Variants in ITGB8 observed in about 807,000 individuals in gnomAD.
The protein encoded by ITGB8 is integrin subunit beta 8, also known as integrin beta-8.
ITGB8 carries 30 observed loss-of-function variants against 89.5 expected under a neutral mutation model. The ratio of observed to expected loss-of-function variants is 0.34; its 90% confidence interval spans 0.25 to 0.45. ITGB8 has a LOEUF of 0.45. Among genes scored for constraint, ITGB8 ranks in the 20% least tolerant of loss-of-function variants. The pLI, the probability that ITGB8 is intolerant of heterozygous loss-of-function variation, is 1.00. For missense variants in ITGB8, 836 were observed against 933.3 expected, an observed-to-expected ratio of 0.90 and a Z score of 1.36; for synonymous variants, 335 against 320.4, an observed-to-expected ratio of 1.05 and a Z score of -0.49.
chr7:20,373,909 A>G (rs1480817682), intron 3 of ITGB8, among the ~76,000 whole-genome samples: 2 of 152,200 alleles, frequency 1.3e-5, no homozygotes, highest in African/African-American at 4.8e-5. Flanking sequence ...TTCTTTGAGT[A>G]GTTTAAAAAC....
rs752386964 is a variant in ITGB8 at position 20,391,431 on chromosome 7, A to G, written c.989A>G (p.Glu330Gly). 1 of 1,602,840 alleles carries G rather than the reference A, an allele frequency of 6.2e-7. No homozygotes were observed. Among genetic ancestry groups the G allele is most frequent in the Non-Finnish European group, 8.5e-7 (1 of 1,173,288 alleles). The change falls in exon 7 of 14, where the codon GAG (glutamate) becomes GGG (glycine). Residue 330 changes from glutamate (E) to glycine (G), a missense_variant. Glu to Gly is a moderately conservative substitution (Grantham distance 98, BLOSUM62 -2). Around this residue, in one of 5 missense-constraint regions of ITGB8, gnomAD observed 192 missense variants for 267.1 expected, o/e 0.72. Coordinates refer to ENST00000222573, the MANE Select transcript of ITGB8 (RefSeq NM_002214.3). The part of the protein sequence containing the change: ...MEHPSLGQLS[E>G]KLIDNNINVI... Reference sequence around the variant, plus strand: ...CACCCCTCACTAGGCCAACTTTCAGAGAAATTAATAGACAACAACATTAAT... The same window carrying G: ...CACCCCTCACTAGGCCAACTTTCAGGGAAATTAATAGACAACAACATTAAT...
intron 7 of ITGB8, among the ~76,000 whole-genome samples, chr7:20,393,444 A>G (rs1786944965): frequency 6.6e-6 from 1 of 152,138 alleles, no homozygotes; most frequent in East Asian, 1.9e-4. Flanking sequence ...GGTTCTAACA[A>G]CCTCATGGCT....
chr7:20,407,246 T>TCAGGGGTTATAGGGTAC lies in ITGB8; in HGVS notation c.2023+1077_2023+1078insGGGGTTATAGGGTACCA, dbSNP rs150831757. ...CTCAGCCACACCATAGCAAGCATAC[T>TCAGGGGTTATAGGGTAC]CATCTCTGGGAGATTTAAAAAACTG... On this transcript the variant is annotated intron_variant, in intron 12 of 13. Coordinates refer to ENST00000222573, the MANE Select transcript of ITGB8 (RefSeq NM_002214.3). Among the ~76,000 whole-genome samples the TCAGGGGTTATAGGGTAC allele has an allele frequency of 5.1e-3, 781 of 151,898 alleles. 3 individuals are homozygous for TCAGGGGTTATAGGGTAC. The highest frequency in any genetic ancestry group is 0.018 in the African/African-American group (735 of 41,418).
At chr7:20,384,631 A>G (rs529696859) in intron 6 of ITGB8, among the ~76,000 whole-genome samples, 1 of 152,344 alleles carries the variant, frequency 6.6e-6, no homozygotes, top group African/African-American at 2.4e-5. Context: ...TAAATTGCAG[A>G]GTTGGCCCTA....
chr7:20,395,084 G>T, intron 8 of ITGB8, 99 bp downstream of exon 8: 1 of 683,528 alleles, frequency 1.5e-6, no homozygotes, highest in Non-Finnish European at 2.5e-6. Flanking sequence ...AGGAGGAGTA[G>T]AAAGCATATT....
intron 10 of ITGB8, among the ~76,000 whole-genome samples, chr7:20,404,153 G>C (rs1191443521): frequency 1.3e-5 from 2 of 152,190 alleles, no homozygotes; most frequent in Non-Finnish European, 2.9e-5. Flanking sequence ...CAGTACTGAA[G>C]CACTAGAAAA....
At chr7:20,382,070 A>C in intron 6 of ITGB8, 185 bp downstream of exon 6, 1 of 465,274 alleles carries the variant, frequency 2.1e-6, no homozygotes. Flanking sequence ...AAAATATATG[A>C]ATAAAACAGT....
chr7:20,372,193 T>A (rs1466104034), intron 3 of ITGB8, among the ~76,000 whole-genome samples: 1 of 152,232 alleles, frequency 6.6e-6, no homozygotes, highest in African/African-American at 2.4e-5. Context: ...AAATTATAAG[T>A]TGCATTTTTT....
chr7:20,410,058 A>T lies in ITGB8; in HGVS notation c.*61A>T. 8 of 1,541,192 alleles carry T rather than the reference A, an allele frequency of 5.2e-6. No homozygotes were observed. Among genetic ancestry groups the T allele is most frequent in the Non-Finnish European group, 1.8e-6 (2 of 1,134,876 alleles). ...TTGTTAATAATTGCTCCTAAAGATTATAATTTTAAAAGTCACAGGAGGAGA... is the reference window on the plus strand; with the variant it reads ...TTGTTAATAATTGCTCCTAAAGATTTTAATTTTAAAAGTCACAGGAGGAGA... On this transcript the variant is annotated 3_prime_UTR_variant, in exon 14 of 14. Transcript: ENST00000222573.
intron 7 of ITGB8, among the ~76,000 whole-genome samples, chr7:20,392,520 CTTTA>C (rs772873799): frequency 6.6e-6 from 1 of 152,112 alleles, no homozygotes; most frequent in Non-Finnish European, 1.5e-5. Flanking sequence ...TATGGTGAAG[CTTTA>C]TTTATTTATT....
At chr7:20,399,130 T>G in intron 9 of ITGB8, 136 bp downstream of exon 9, 1 of 843,884 alleles carries the variant, frequency 1.2e-6, no homozygotes, top group Admixed American at 3.1e-5. Flanking sequence ...CAAGGAAACT[T>G]TCATTGTCTC....
intron 1 of ITGB8, among the ~76,000 whole-genome samples, chr7:20,355,476 T>A (rs1785260522): frequency 6.6e-6 from 1 of 152,320 alleles, no homozygotes; most frequent in Non-Finnish European, 1.5e-5. Context: ...TTGAACATTA[T>A]TGTACTACCT....
intron 3 of ITGB8, among the ~76,000 whole-genome samples, chr7:20,370,116 G>GA (rs1162683009): frequency 6.6e-6 from 1 of 151,462 alleles, no homozygotes; most frequent in Non-Finnish European, 1.5e-5. Context: ...TGCAAAATAG[G>GA]AAAAAAAGAA....
intron 3 of ITGB8, among the ~76,000 whole-genome samples, chr7:20,371,402 G>A (rs1785929878): frequency 6.6e-6 from 1 of 152,034 alleles, no homozygotes; most frequent in African/African-American, 2.4e-5. Context: ...ACTCTGGCAG[G>A]TTGTTTTTTA....
intron 10 of ITGB8, among the ~76,000 whole-genome samples, chr7:20,403,266 T>C (rs1787386936): frequency 6.6e-6 from 1 of 152,222 alleles, no homozygotes; most frequent in East Asian, 1.9e-4. Context: ...CTGTATTTTA[T>C]AGGGAGGAAA....
Position 20,367,059 on chromosome 7 carries a change from C to T in ITGB8, c.261C>T (p.Ser87=). The T allele has an allele frequency of 1.2e-6, 2 of 1,612,128 alleles. No individual in the cohort carries two copies. Among genetic ancestry groups the T allele is most frequent in the Non-Finnish European group, 1.7e-6 (2 of 1,179,128 alleles). The change falls in exon 3 of 14, where the codon TCC becomes TCT. Residue 87 remains serine, a synonymous_variant. Coordinates refer to ENST00000222573, the MANE Select transcript of ITGB8 (RefSeq NM_002214.3). Reference sequence around the variant, plus strand: ...GAAGTGAACGTTGTGATATTGTTTCCAATTTAATAAGCAAAGGCTGCTCAG... The same window carrying T: ...GAAGTGAACGTTGTGATATTGTTTCTAATTTAATAAGCAAAGGCTGCTCAG... ...GSRSERCDIV[S]NLISKGCSVD...
intron 1 of ITGB8, among the ~76,000 whole-genome samples, chr7:20,351,225 C>G (rs1785103493): frequency 6.6e-6 from 1 of 152,198 alleles, no homozygotes; most frequent in African/African-American, 2.4e-5. Context: ...AATAATAGTA[C>G]TAATTAGCCA....
chr7:20,394,205 C>T (rs1292524838), intron 7 of ITGB8, among the ~76,000 whole-genome samples: 1 of 152,198 alleles, frequency 6.6e-6, no homozygotes, highest in East Asian at 1.9e-4. Flanking sequence ...GATTTCAAAA[C>T]TTTTTACCAT....
chr7:20,382,249 C>T (rs1280029106), intron 6 of ITGB8, among the ~76,000 whole-genome samples: 1 of 152,028 alleles, frequency 6.6e-6, no homozygotes, highest in Non-Finnish European at 1.5e-5. Flanking sequence ...TATCTACAAA[C>T]ATTTTAAGGA....
Sources: gnomAD v4.1 joint callset for allele counts (sites outside exome capture counted in the v4.1 genomes callset) on GRCh38, gnomAD v4.1.1 for gene constraint, gnomAD v4.1.1 regional missense constraint, MANE v1.5 for transcripts, NCBI Gene and HGNC (gene_info 2026-07-23, HGNC 2026-07-21) for gene names.